Variants in PPP2R2B observed in about 807,000 individuals in gnomAD.
PPP2R2B encodes the protein serine/threonine-protein phosphatase 2A 55 kDa regulatory subunit B beta isoform.
A neutral mutation model predicts 46.0 loss-of-function variants in PPP2R2B; 5 were observed. The observed-to-expected ratio is 0.11, with a 90% CI of 0.06 to 0.23. The LOEUF (loss-of-function observed/expected upper bound fraction) is 0.23, where lower values mean the gene tolerates loss of function less well. PPP2R2B is among the 10% of genes least tolerant of loss of function. PPP2R2B has a pLI of 1.00. For missense variants in PPP2R2B, 367 were observed against 575.0 expected, an observed-to-expected ratio of 0.64 and a Z score of 3.70; for synonymous variants, 215 against 206.7, an observed-to-expected ratio of 1.04 and a Z score of -0.34.
intron 6 of PPP2R2B, among the ~76,000 whole-genome samples, chr5:146,648,473 G>A (rs183188179): frequency 9.2e-5 from 14 of 152,180 alleles, no homozygotes; most frequent in Admixed American, 5.2e-4. Context: ...ACTGGATAGC[G>A]CTACTTTGAT....
At chr5:146,653,670 C>T (rs1776136166) in intron 5 of PPP2R2B, among the ~76,000 whole-genome samples, 3 of 152,282 alleles carry the variant, frequency 2.0e-5, no homozygotes, top group Admixed American at 2.0e-4. Flanking sequence ...AGGGAGCATG[C>T]AGCCAGGAAC....
chr5:147,076,179 T>C (rs1438115711), intron 2 of PPP2R2B, among the ~76,000 whole-genome samples: 2 of 152,170 alleles, frequency 1.3e-5, no homozygotes, highest in Non-Finnish European at 2.9e-5. Flanking sequence ...CATAACAATG[T>C]TATAAATATT....
intron 2 of PPP2R2B, among the ~76,000 whole-genome samples, chr5:146,786,288 T>C (rs925476150): frequency 2.0e-5 from 3 of 152,186 alleles, no homozygotes; most frequent in African/African-American, 7.2e-5. Context: ...CTAGACACTG[T>C]CCCCCACCCC....
chr5:146,960,083 T>C (rs890323352), intron 1 of PPP2R2B, among the ~76,000 whole-genome samples: 1 of 152,156 alleles, frequency 6.6e-6, no homozygotes, highest in Non-Finnish European at 1.5e-5. Flanking sequence ...TGTTAGATAA[T>C]ACTACATTGT....
chr5:146,772,223 A>C (rs1010062803), intron 2 of PPP2R2B, among the ~76,000 whole-genome samples: 7 of 152,144 alleles, frequency 4.6e-5, no homozygotes, highest in African/African-American at 1.7e-4. Context: ...TATCCCCTAA[A>C]ACAGCAAACA....
At chr5:146,940,634 A>C (rs1764294439) in intron 1 of PPP2R2B, among the ~76,000 whole-genome samples, 1 of 152,118 alleles carries the variant, frequency 6.6e-6, no homozygotes, top group African/African-American at 2.4e-5. Context: ...TTCCCAACAA[A>C]ATCCCTTTTC....
chr5:147,056,147 G>A, upstream of PPP2R2B: 4 of 1,016,016 alleles, frequency 3.9e-6, no homozygotes, highest in Non-Finnish European at 4.7e-6. Context: ...TGGGAGTAGT[G>A]AGGATAAGTG....
At chr5:146,937,759 T>G (rs114263530) in intron 1 of PPP2R2B, among the ~76,000 whole-genome samples, 3 of 152,160 alleles carry the variant, frequency 2.0e-5, no homozygotes, top group Non-Finnish European at 4.4e-5. Flanking sequence ...TCTGCAACAA[T>G]AGAGGGAATG....
At chr5:146,629,403 C>A (rs1774276655) in intron 7 of PPP2R2B, among the ~76,000 whole-genome samples, 1 of 152,180 alleles carries the variant, frequency 6.6e-6, no homozygotes, top group South Asian at 2.1e-4. Context: ...CTTAGCCTCA[C>A]CTCCTAAGGT....
chr5:146,841,118 G>C (rs1324556506), intron 2 of PPP2R2B, among the ~76,000 whole-genome samples: 1 of 152,142 alleles, frequency 6.6e-6, no homozygotes, highest in East Asian at 1.9e-4. Flanking sequence ...GCTTATGGAG[G>C]ATTATTCAAT....
At chr5:146,906,869 A>G (rs185794448) in intron 1 of PPP2R2B, among the ~76,000 whole-genome samples, 5 of 152,368 alleles carry the variant, frequency 3.3e-5, no homozygotes, top group African/African-American at 1.2e-4. Context: ...ATTTAAAACT[A>G]GCACATTTTT....
At chr5:146,600,583 A>T (rs1200155926) in intron 7 of PPP2R2B, 123 bp from the exon 8 acceptor site, 1 of 917,602 alleles carries the variant, frequency 1.1e-6, no homozygotes. Context: ...GTGTCTGCAG[A>T]ATGTAAGTTG....
intron 2 of PPP2R2B, among the ~76,000 whole-genome samples, chr5:146,811,158 C>T (rs1454224632): frequency 6.6e-6 from 1 of 152,096 alleles, no homozygotes; most frequent in African/African-American, 2.4e-5. Context: ...CATGTGCCAC[C>T]ATGCCTAATT....
chr5:147,073,993 G>A (rs899487744), intron 2 of PPP2R2B, among the ~76,000 whole-genome samples: 29 of 150,376 alleles, frequency 1.9e-4, no homozygotes, highest in East Asian at 5.9e-4. Context: ...CCAAGATCGC[G>A]CCACTGCACT....
At chr5:146,931,575 T>C (rs1763971188) in intron 1 of PPP2R2B, among the ~76,000 whole-genome samples, 1 of 152,194 alleles carries the variant, frequency 6.6e-6, no homozygotes, top group African/African-American at 2.4e-5. Context: ...TTTTGAGGCA[T>C]TTCATTATTC....
intron 1 of PPP2R2B, among the ~76,000 whole-genome samples, chr5:146,969,372 C>T (rs1349292532): frequency 6.6e-6 from 1 of 152,086 alleles, no homozygotes; most frequent in African/African-American, 2.4e-5. Context: ...GAATAAAGTG[C>T]TGAAGGTAAG....
chr5:146,901,756 C>T (rs1258319832), intron 1 of PPP2R2B, among the ~76,000 whole-genome samples: 1 of 152,042 alleles, frequency 6.6e-6, no homozygotes, highest in Non-Finnish European at 1.5e-5. Flanking sequence ...CAGGAAAATA[C>T]TTTCCATTGA....
chr5:146,707,071 T>C, intron 2 of PPP2R2B: 1 of 1,274,388 alleles, frequency 7.8e-7, no homozygotes. Flanking sequence ...ATTGATCTCA[T>C]CCTCATAGTT....
chr5:146,999,368 C>T (rs1305693463), intron 1 of PPP2R2B, among the ~76,000 whole-genome samples: 1 of 152,140 alleles, frequency 6.6e-6, no homozygotes, highest in Non-Finnish European at 1.5e-5. Context: ...AGATCTGAAT[C>T]CTCCCACATT....
Sources: gnomAD v4.1 joint callset for allele counts (sites outside exome capture counted in the v4.1 genomes callset) on GRCh38, gnomAD v4.1.1 for gene constraint, MANE v1.5 for transcripts, NCBI Gene and HGNC (gene_info 2026-07-23, HGNC 2026-07-21) for gene names.